The following GPC5 variants were observed in gnomAD, a reference collection of about 807,000 sequenced individuals.
The protein encoded by GPC5 is glypican 5.
A neutral mutation model predicts 53.9 loss-of-function variants in GPC5; 47 were observed. The observed-to-expected ratio is 0.87, with a 90% CI of 0.69 to 1.11. The LOEUF (loss-of-function observed/expected upper bound fraction) is 1.11. Among genes scored for constraint, GPC5 ranks in the 50% most tolerant of loss-of-function variants. The probability of loss-of-function intolerance (pLI) is 0.00; values close to 1 mark genes in which losing one functional copy is unlikely to be tolerated. For missense variants in GPC5, 748 were observed against 713.1 expected (o/e 1.05, Z -0.56); for synonymous variants, 286 against 263.3 (o/e 1.09, Z -0.84).
chr13:91,847,337 TATGTATCTTTATTATAA>T (rs2038862715), intron 5 of GPC5, among the ~76,000 whole-genome samples: 1 of 152,076 alleles, frequency 6.6e-6, no homozygotes, highest in African/African-American at 2.4e-5. Flanking sequence ...TAGGTTTCTA[TATGTATCTTTATTATAA>T]TTGTGTGTGT....
intron 2 of GPC5, among the ~76,000 whole-genome samples, chr13:91,664,163 A>G (rs1170047314): frequency 6.6e-6 from 1 of 152,260 alleles, no homozygotes; most frequent in African/African-American, 2.4e-5. Context: ...AGTGTTGCAC[A>G]ATACAGTATA....
At chr13:92,438,108 T>C (rs374906938) in intron 7 of GPC5, among the ~76,000 whole-genome samples, 1 of 151,976 alleles carries the variant, frequency 6.6e-6, no homozygotes, top group Non-Finnish European at 1.5e-5. Flanking sequence ...TTGGGAGTCA[T>C]CCTTAGAATT....
intron 2 of GPC5, among the ~76,000 whole-genome samples, chr13:91,654,820 G>A (rs991196203): frequency 1.4e-4 from 21 of 152,122 alleles, no homozygotes; most frequent in Non-Finnish European, 2.8e-4. Flanking sequence ...GTGGGGCTTG[G>A]CCCATTTTTG....
At chr13:92,146,726 A>C (rs1044567228) in intron 7 of GPC5, among the ~76,000 whole-genome samples, 2 of 152,008 alleles carry the variant, frequency 1.3e-5, no homozygotes, top group African/African-American at 4.8e-5. Context: ...GCATCCTCAT[A>C]GCTTAGGTCC....
chr13:91,611,445 AC>A (rs1410295336), intron 2 of GPC5, among the ~76,000 whole-genome samples: 1 of 152,090 alleles, frequency 6.6e-6, no homozygotes, highest in African/African-American at 2.4e-5. Context: ...TCACCTCCAG[AC>A]CCAGTCTTCC....
intron 7 of GPC5, among the ~76,000 whole-genome samples, chr13:92,354,872 A>G (rs758750932): frequency 2.0e-5 from 3 of 152,156 alleles, no homozygotes; most frequent in Non-Finnish European, 2.9e-5. Flanking sequence ...GTGGTATTCA[A>G]CTGGAGAGGA....
At chr13:91,739,440 G>A (rs1472863439) in intron 4 of GPC5, among the ~76,000 whole-genome samples, 1 of 151,390 alleles carries the variant, frequency 6.6e-6, no homozygotes, top group Non-Finnish European at 1.5e-5. Flanking sequence ...CCAACCATAA[G>A]CATTTATTAT....
intron 4 of GPC5, among the ~76,000 whole-genome samples, chr13:91,734,198 G>A (rs1250631243): frequency 6.6e-6 from 1 of 151,282 alleles, no homozygotes; most frequent in African/African-American, 2.5e-5. Context: ...TGGTAGATAA[G>A]TTTTTCAATG....
chr13:91,559,950 A>G (rs912111511), intron 2 of GPC5, among the ~76,000 whole-genome samples: 1 of 152,142 alleles, frequency 6.6e-6, no homozygotes, highest in African/African-American at 2.4e-5. Context: ...AAATCTGGGG[A>G]ACATTGTAAG....
At chr13:92,078,338 CG>C (rs2041269064) in intron 6 of GPC5, among the ~76,000 whole-genome samples, 1 of 152,146 alleles carries the variant, frequency 6.6e-6, no homozygotes, top group Non-Finnish European at 1.5e-5. Context: ...GATGCTACTG[CG>C]ACTCTTATTC....
At chr13:92,798,595 T>C (rs1279611852) in intron 7 of GPC5, among the ~76,000 whole-genome samples, 1 of 151,892 alleles carries the variant, frequency 6.6e-6, no homozygotes, top group Non-Finnish European at 1.5e-5. Flanking sequence ...AGGAATATTA[T>C]CTCAGCTGTT....
chr13:92,171,074 C>T (rs972660245), intron 7 of GPC5, among the ~76,000 whole-genome samples: 11 of 152,104 alleles, frequency 7.2e-5, no homozygotes, highest in African/African-American at 2.2e-4. Flanking sequence ...TCTCTAACTA[C>T]CTTACTATCA....
At chr13:91,968,566 AT>A (rs1185651240) in intron 6 of GPC5, among the ~76,000 whole-genome samples, 10 of 151,924 alleles carry the variant, frequency 6.6e-5, no homozygotes, top group Admixed American at 5.9e-4. Context: ...GGTTCAAGCG[AT>A]TCTTCTGCCT....
intron 7 of GPC5, among the ~76,000 whole-genome samples, chr13:92,589,285 A>G (rs1279384828): frequency 6.6e-6 from 1 of 152,158 alleles, no homozygotes; most frequent in East Asian, 1.9e-4. Context: ...CTTTCAAATG[A>G]GAAGATTGAG....
intron 7 of GPC5, among the ~76,000 whole-genome samples, chr13:92,218,384 C>T (rs1487355118): frequency 6.6e-6 from 1 of 152,118 alleles, no homozygotes; most frequent in Non-Finnish European, 1.5e-5. Flanking sequence ...CATCTAGTTT[C>T]TGGACGTACA....
intron 7 of GPC5, among the ~76,000 whole-genome samples, chr13:92,319,767 G>A (rs189142720): frequency 1.5e-3 from 231 of 152,198 alleles, no homozygotes; most frequent in African/African-American, 4.9e-3. Context: ...CATGTTATAC[G>A]TACAGTGCAT....
intron 7 of GPC5, among the ~76,000 whole-genome samples, chr13:92,710,087 C>T (rs985302898): frequency 1.3e-5 from 2 of 152,162 alleles, no homozygotes; most frequent in African/African-American, 4.8e-5. Flanking sequence ...AAGTTTCTAG[C>T]CTGTACATAA....
chr13:92,619,772 A>G (rs1884810584), intron 7 of GPC5, among the ~76,000 whole-genome samples: 1 of 152,048 alleles, frequency 6.6e-6, no homozygotes, highest in Admixed American at 6.5e-5. Flanking sequence ...TAAAACAAAG[A>G]AAAACAACAA....
intron 5 of GPC5, among the ~76,000 whole-genome samples, chr13:91,835,457 T>C (rs1486350404): frequency 6.6e-6 from 1 of 152,182 alleles, no homozygotes; most frequent in East Asian, 1.9e-4. Flanking sequence ...TGTGGCACTA[T>C]TCACAATAGC....
Sources: gnomAD v4.1 joint callset for allele counts (sites outside exome capture counted in the v4.1 genomes callset) on GRCh38, gnomAD v4.1.1 for gene constraint, MANE v1.5 for transcripts, NCBI Gene and HGNC (gene_info 2026-07-23, HGNC 2026-07-21) for gene names.